DOCK8: variants seen among roughly 807,000 people sequenced by gnomAD.
DOCK8 encodes the protein dedicator of cytokinesis 8, also known as dedicator of cytokinesis protein 8.
Under a neutral mutation model 245.6 loss-of-function variants are expected in DOCK8, and 141 were observed. The observed-to-expected ratio is 0.57, with a 90% confidence interval of 0.50 to 0.66. The LOEUF (loss-of-function observed/expected upper bound fraction) is 0.66, where lower values mean the gene tolerates loss of function less well. Ranked by LOEUF, DOCK8 falls within the 30% of genes least tolerant of loss-of-function variation. The probability of loss-of-function intolerance (pLI) is 0.00; values close to 1 mark genes in which losing one functional copy is unlikely to be tolerated. For missense variants in DOCK8, 2,965 were observed against 2,603.4 expected (o/e 1.14, Z -3.02); for synonymous variants, 1,168 against 970.2 (o/e 1.20, Z -3.79).
At chr9:287,031 C>T (rs1258360655) in intron 3 of DOCK8, among the ~76,000 whole-genome samples, 2 of 152,140 alleles carry the variant, frequency 1.3e-5, no homozygotes, top group South Asian at 4.1e-4. Flanking sequence ...TACTGAAATG[C>T]CACCATCCAG....
chr9:391,043 C>G (rs138233403), intron 24 of DOCK8, among the ~76,000 whole-genome samples: 1,765 of 152,284 alleles, frequency 0.012, 43 homozygotes, highest in African/African-American at 0.039. Flanking sequence ...CCTCATCTCA[C>G]GCCACATTCC....
chr9:220,437 TGAA>T (rs1036660412), intron 1 of DOCK8, among the ~76,000 whole-genome samples: 3 of 152,154 alleles, frequency 2.0e-5, no homozygotes, highest in African/African-American at 7.2e-5. Context: ...CAGGGAAAGA[TGAA>T]GAACTCAGGG....
In DOCK8 at chr9:338,996, C is replaced by T. The variant is rs1446151551; in HGVS notation, c.1423-10C>T. ...TGCATCTACATTAACTCTGACTTTTCTCTTGGCAGGAAGGAGATCGCCTTA... is the reference window on the plus strand; with the variant it reads ...TGCATCTACATTAACTCTGACTTTTTTCTTGGCAGGAAGGAGATCGCCTTA... On this transcript the variant is annotated splice_polypyrimidine_tract_variant and intron_variant, in intron 12 of 47. Coordinates refer to ENST00000432829, the MANE Select transcript of DOCK8 (RefSeq NM_203447.4). 3.7e-6 allele frequency: 6 copies of T among 1,613,810 alleles called. No individual in the cohort carries two copies. Among genetic ancestry groups the T allele is most frequent in the Non-Finnish European group, 5.1e-6 (6 of 1,179,764 alleles).
intron 1 of DOCK8, among the ~76,000 whole-genome samples, chr9:224,543 A>T (rs2046951118): frequency 6.6e-6 from 1 of 152,134 alleles, no homozygotes; most frequent in South Asian, 2.1e-4. Context: ...CTCTGCTGCC[A>T]CGGGTAGAAA....
Position 344,267 on chromosome 9 carries a change from A to C in DOCK8, c.1679+3946A>C, listed in dbSNP as rs778412158. Among the ~76,000 whole-genome samples, 8 of 152,316 alleles carry C rather than the reference A, an allele frequency of 5.3e-5. No homozygotes were observed. In the South Asian group the frequency reaches 1.4e-3, roughly 28 times the overall value. ...CTCAGGCCACCATATTTTATAGTCT[A>C]TTTAAGGAAAGAGAGAGATAATGAA... On this transcript the variant is annotated intron_variant, in intron 14 of 47. Coordinates refer to ENST00000432829, the MANE Select transcript of DOCK8 (RefSeq NM_203447.4).
At chr9:338,192 T>C (rs1221319841) in intron 12 of DOCK8, among the ~76,000 whole-genome samples, 1 of 152,064 alleles carries the variant, frequency 6.6e-6, no homozygotes, top group East Asian at 1.9e-4. Context: ...GGTAATTTTA[T>C]GTTAGTTATA....
upstream of DOCK8, chr9:213,345 A>G (rs1326496614): frequency 6.6e-6 from 1 of 152,176 alleles, no homozygotes; most frequent in Non-Finnish European, 1.5e-5. Context: ...GGATTTTAGT[A>G]TTAGGTGACA....
chr9:441,204 T>C (rs2057083789), intron 40 of DOCK8, 82 bp from the exon 41 acceptor site: 1 of 1,581,546 alleles, frequency 6.3e-7, no homozygotes, highest in Non-Finnish European at 8.7e-7. Flanking sequence ...TCCAGCACAT[T>C]GTTTGGACAA....
At position 441,408 on chromosome 9, in the gene DOCK8, C is replaced by T. The variant is rs182571862; in HGVS notation, c.5346C>T (p.Ile1782=). 9.9e-6 allele frequency: 16 copies of T among 1,614,168 alleles called. No homozygotes were observed. The highest frequency in any genetic ancestry group is 8.3e-5 in the Admixed American group (5 of 60,022). Residue 1782 remains isoleucine, a synonymous_variant, in exon 41 of 48, where the codon ATC becomes ATT. Transcript: ENST00000432829. ...AGCTGCAGAGAGCCTTCGACAGCAT[C>T]GTTAACAAGGTAGCCGGGGAGCCTG... ...HSKLQRAFDS[I]VNKDHKRMFG... is the part of the protein sequence containing the mutation.
chr9:256,142 T>C (rs986295037), intron 1 of DOCK8, among the ~76,000 whole-genome samples: 3 of 152,162 alleles, frequency 2.0e-5, no homozygotes, highest in Non-Finnish European at 2.9e-5. Flanking sequence ...GGATACAGTA[T>C]TAGGATTCAT....
rs189682444 is a variant in DOCK8 at position 339,606 on chromosome 9, C to T, written c.1516+507C>T. ...CTCAGCTCACTGCAACCTCTGCCTT[C>T]CAGGTTCAAGTGATTCTCCTGCCTC... On this transcript the variant is annotated intron_variant, in intron 13 of 47. Transcript: ENST00000432829. Among the ~76,000 whole-genome samples, 1,066 of 152,282 alleles carry T rather than the reference C, an allele frequency of 7.0e-3. 5 individuals carry two copies. Among genetic ancestry groups the T allele is most frequent in the Non-Finnish European group, 0.011 (776 of 68,016 alleles).
chr9:252,167 G>T (rs1489036367), intron 1 of DOCK8, among the ~76,000 whole-genome samples: 1 of 151,728 alleles, frequency 6.6e-6, no homozygotes, highest in Admixed American at 6.6e-5. Context: ...ATAGACGGGG[G>T]TCTCACCATG....
rs536378240 is a variant in DOCK8, at chr9:244,271, C to T, written c.54-27356C>T. Among the ~76,000 whole-genome samples the T allele has an allele frequency of 2.6e-5, 4 of 151,540 alleles. No individual in the cohort carries two copies. In the South Asian group the frequency reaches 8.4e-4, roughly 32 times the overall value. ...AATACACTTTACAATCTAGTATTCCCCCCACCACACACACACACACACGCA... is the reference window on the plus strand; with the variant it reads ...AATACACTTTACAATCTAGTATTCCTCCCACCACACACACACACACACGCA... On this transcript the variant is annotated intron_variant, in intron 1 of 47. Transcript: ENST00000432829.
chr9:455,971 G>T (rs896915957), intron 46 of DOCK8, among the ~76,000 whole-genome samples: 6 of 152,120 alleles, frequency 3.9e-5, no homozygotes, highest in African/African-American at 1.4e-4. Flanking sequence ...CTACATATGT[G>T]GAAGGATGAA....
chr9:427,031 C>T, intron 34 of DOCK8, 50 bp downstream of exon 34: 1 of 1,501,698 alleles, frequency 6.7e-7, no homozygotes, highest in Admixed American at 1.7e-5. Context: ...AATATGTTTA[C>T]TAGAATAAGG....
intron 44 of DOCK8, among the ~76,000 whole-genome samples, chr9:446,875 T>TTAATATA (rs1258946766): frequency 1.3e-4 from 19 of 151,414 alleles, no homozygotes; most frequent in African/African-American, 4.6e-4. Context: ...ATTATAATAT[T>TTAATATA]TAATATATAT....
At chr9:269,924 C>G (rs566873375) in intron 1 of DOCK8, among the ~76,000 whole-genome samples, 1 of 152,256 alleles carries the variant, frequency 6.6e-6, no homozygotes, top group Non-Finnish European at 1.5e-5. Flanking sequence ...CATGGGAGCT[C>G]TGCTTAAATT....
At chr9:277,776 C>T (rs9406914) in intron 2 of DOCK8, among the ~76,000 whole-genome samples, 20,118 of 152,092 alleles carry the variant, frequency 0.13, 1,508 homozygotes, top group Non-Finnish European at 0.18. Flanking sequence ...TAAAAAGCCA[C>T]ATCCTGGATA....
Position 368,155 on chromosome 9 carries a change from T to C in DOCK8, c.1797+20T>C, listed in dbSNP as rs762930761. The C allele has an allele frequency of 6.9e-6, 11 of 1,604,346 alleles. No homozygotes were observed. In the South Asian group the frequency reaches 1.2e-4, roughly 18 times the overall value. On this transcript the variant is annotated intron_variant, in intron 15 of 47. Coordinates refer to ENST00000432829, the MANE Select transcript of DOCK8 (RefSeq NM_203447.4). ...ATGCCGGTAAGGAGGGAAACGAACA[T>C]TTGCCTCAAATCAGGGTGGGCTGCT...
Sources: allele counts gnomAD v4.1 joint callset (sites outside exome capture counted in the v4.1 genomes callset), GRCh38; gene constraint gnomAD v4.1.1; transcripts MANE v1.5; gene names NCBI Gene and HGNC (gene_info 2026-07-23, HGNC 2026-07-21).